GRID2: variants seen among roughly 807,000 people sequenced by gnomAD.
GRID2 encodes glutamate receptor ionotropic, delta-2.
GRID2 carries 33 observed loss-of-function variants against 114.8 expected under a neutral mutation model. The observed-to-expected ratio is 0.29, with a 90% CI of 0.22 to 0.38. The LOEUF (loss-of-function observed/expected upper bound fraction) is 0.38, where lower values mean the gene tolerates loss of function less well. GRID2 is among the 10% of genes least tolerant of loss of function. The pLI is 1.00. For synonymous variants in GRID2, 505 were observed against 449.9 expected, an observed-to-expected ratio of 1.12 and a Z score of -1.55; for missense variants, 1,184 against 1,257.7, an observed-to-expected ratio of 0.94 and a Z score of 0.89.
intron 13 of GRID2, among the ~76,000 whole-genome samples, chr4:93,602,681 T>A (rs562017985): frequency 1.5e-4 from 23 of 152,290 alleles, no homozygotes; most frequent in Admixed American, 5.9e-4. Flanking sequence ...CTTCCTCTGC[T>A]CAGGCCTCCC....
intron 1 of GRID2, among the ~76,000 whole-genome samples, chr4:92,546,856 T>G (rs1366538899): frequency 1.3e-5 from 2 of 152,222 alleles, no homozygotes; most frequent in Non-Finnish European, 2.9e-5. Context: ...TTTTCAGAAC[T>G]GAGGCATAAT....
chr4:92,960,697 T>C (rs1752740156), intron 2 of GRID2, among the ~76,000 whole-genome samples: 1 of 152,046 alleles, frequency 6.6e-6, no homozygotes, highest in African/African-American at 2.4e-5. Context: ...GTCAATCTTA[T>C]CTTTTAATTG....
chr4:92,872,523 T>C (rs564386411), intron 2 of GRID2, among the ~76,000 whole-genome samples: 24 of 152,262 alleles, frequency 1.6e-4, no homozygotes, highest in Non-Finnish European at 3.1e-4. Context: ...TGAAAATTAA[T>C]TATTTGGATG....
chr4:93,568,990 A>C (rs1346394301), intron 13 of GRID2, among the ~76,000 whole-genome samples: 1 of 152,146 alleles, frequency 6.6e-6, no homozygotes, highest in African/African-American at 2.4e-5. Context: ...CTGGGCAGGC[A>C]CTGTGGCTAC....
intron 4 of GRID2, chr4:93,164,589 G>A: frequency 9.7e-6 from 2 of 206,616 alleles, no homozygotes; most frequent in Middle Eastern, 1.8e-3. Context: ...GAAGTCAGCT[G>A]TTTTTAGGCT....
intron 1 of GRID2, among the ~76,000 whole-genome samples, chr4:92,583,618 A>G (rs1728280161): frequency 6.6e-6 from 1 of 151,254 alleles, no homozygotes; most frequent in South Asian, 2.1e-4. Flanking sequence ...TGTGAATGAT[A>G]TATCAACTTA....
chr4:92,798,538 A>G (rs181967863), intron 2 of GRID2, among the ~76,000 whole-genome samples: 2 of 152,024 alleles, frequency 1.3e-5, no homozygotes, highest in African/African-American at 4.8e-5. Context: ...CCCTTAAGAG[A>G]CCCTTAGAGA....
intron 4 of GRID2, among the ~76,000 whole-genome samples, chr4:93,160,133 C>T (rs11932840): frequency 0.075 from 11,389 of 151,626 alleles, 467 homozygotes; most frequent in East Asian, 0.17. Context: ...TATTCTGTTC[C>T]ACATGGGAAA....
At chr4:92,414,202 A>T (rs910864550) in intron 1 of GRID2, among the ~76,000 whole-genome samples, 10 of 152,152 alleles carry the variant, frequency 6.6e-5, no homozygotes, top group Non-Finnish European at 2.9e-5. Flanking sequence ...CTAACAATTT[A>T]TTAGAATGGT....
chr4:92,543,373 A>C (rs541776027), intron 1 of GRID2, among the ~76,000 whole-genome samples: 1 of 152,326 alleles, frequency 6.6e-6, no homozygotes, highest in East Asian at 1.9e-4. Flanking sequence ...TATTAAAAAT[A>C]ACCAATTTCA....
intron 13 of GRID2, among the ~76,000 whole-genome samples, chr4:93,555,338 C>A (rs1734209179): frequency 6.6e-6 from 1 of 152,170 alleles, no homozygotes; most frequent in Admixed American, 6.5e-5. Flanking sequence ...CCATGGAGCC[C>A]AGCAAGCTGA....
At chr4:93,198,116 AT>A (rs1741690804) in intron 4 of GRID2, among the ~76,000 whole-genome samples, 1 of 152,154 alleles carries the variant, frequency 6.6e-6, no homozygotes, top group African/African-American at 2.4e-5. Flanking sequence ...AGGAAAAAAA[AT>A]CTGACCCATT....
At chr4:93,068,752 A>G (rs1276804385) in intron 2 of GRID2, among the ~76,000 whole-genome samples, 1 of 151,284 alleles carries the variant, frequency 6.6e-6, no homozygotes, top group Non-Finnish European at 1.5e-5. Flanking sequence ...TTCTGCGGGG[A>G]GGTGTGGGGG....
chr4:93,239,291 GTA>G (rs1167642258), intron 8 of GRID2, among the ~76,000 whole-genome samples: 1 of 149,180 alleles, frequency 6.7e-6, no homozygotes, highest in African/African-American at 2.5e-5. Context: ...CAAATCATAT[GTA>G]TATATACACA....
chr4:93,422,270 C>T (rs965534233), intron 9 of GRID2, among the ~76,000 whole-genome samples: 1 of 152,122 alleles, frequency 6.6e-6, no homozygotes, highest in Non-Finnish European at 1.5e-5. Context: ...CACAAAATTA[C>T]TTAGTGAATA....
intron 1 of GRID2, among the ~76,000 whole-genome samples, chr4:92,486,536 C>T (rs1722894691): frequency 7.3e-6 from 1 of 136,946 alleles, no homozygotes; most frequent in African/African-American, 2.8e-5. Context: ...CCTTATAAAT[C>T]TCTCTCTCTT....
At chr4:93,554,644 C>T (rs944501047) in intron 13 of GRID2, among the ~76,000 whole-genome samples, 4 of 152,120 alleles carry the variant, frequency 2.6e-5, no homozygotes, top group African/African-American at 9.7e-5. Context: ...CTCTGACACC[C>T]AGGCTGGAGT....
intron 2 of GRID2, among the ~76,000 whole-genome samples, chr4:92,700,685 T>A (rs983019048): frequency 2.0e-5 from 3 of 152,108 alleles, no homozygotes; most frequent in Admixed American, 1.3e-4. Context: ...AATTTCATAG[T>A]ATAGTTAACA....
At chr4:92,730,385 C>G (rs181088321) in intron 2 of GRID2, among the ~76,000 whole-genome samples, 2 of 151,862 alleles carry the variant, frequency 1.3e-5, no homozygotes, top group Non-Finnish European at 2.9e-5. Context: ...TAAAATAAAG[C>G]TGCATTGATT....
Sources: gnomAD v4.1 joint callset for allele counts (sites outside exome capture counted in the v4.1 genomes callset) on GRCh38, gnomAD v4.1.1 for gene constraint, MANE v1.5 for transcripts, NCBI Gene and HGNC (gene_info 2026-07-23, HGNC 2026-07-21) for gene names.